Variants in HPGDS observed in about 807,000 individuals in gnomAD.
HPGDS encodes GST class-sigma.
A neutral mutation model predicts 23.1 loss-of-function variants in HPGDS; 26 were observed. That is an observed-to-expected ratio of 1.13 (90% confidence interval 0.83 to 1.56). The LOEUF (loss-of-function observed/expected upper bound fraction) is 1.56. HPGDS is among the 40% of genes most tolerant of loss of function. HPGDS has a pLI of 0.00. For synonymous variants in HPGDS, 95 were observed against 77.9 expected (o/e 1.22, Z -1.16); for missense variants, 268 against 236.4 (o/e 1.13, Z -0.88).
Position 94,317,858 on chromosome 4 carries a change from C to G in HPGDS, c.226+15G>C. 6.7e-7 allele frequency: 1 copy of G among 1,496,900 alleles called. No homozygotes were observed. Among genetic ancestry groups the G allele is most frequent in the Non-Finnish European group, 9.3e-7 (1 of 1,076,164 alleles). 92.7% of individuals were successfully genotyped at this position (1,496,900 alleles called of 1,614,324 possible). A position where few individuals can be genotyped will look rare whatever the true frequency, so the allele number is the denominator to read the frequency against. ...TTTCAGTTATCAAAAATCTTAAGCA[C>G]AATAAACATGTTACCTGTGTTTTTG... On this transcript the variant is annotated intron_variant, in intron 3 of 5. Transcript: ENST00000295256.
At chr4:94,338,663 A>G (rs1199510132) in intron 1 of HPGDS, among the ~76,000 whole-genome samples, 4 of 152,212 alleles carry the variant, frequency 2.6e-5, no homozygotes, top group Admixed American at 1.3e-4. Flanking sequence ...CAATAAAAGC[A>G]TTTTCTTTAA....
At chr4:94,339,631 A>G (rs574839393) in intron 1 of HPGDS, among the ~76,000 whole-genome samples, 2 of 152,316 alleles carry the variant, frequency 1.3e-5, no homozygotes, top group East Asian at 3.9e-4. Context: ...GCTCTTTTAT[A>G]TGGGAAATAA....
chr4:94,325,591 G>T (rs567788847), intron 2 of HPGDS, among the ~76,000 whole-genome samples: 69 of 152,328 alleles, frequency 4.5e-4, no homozygotes, highest in Admixed American at 2.4e-3. Context: ...CACTGAGCCA[G>T]GCGTGGGATA....
intron 2 of HPGDS, among the ~76,000 whole-genome samples, chr4:94,319,920 C>T (rs185496433): frequency 1.3e-5 from 2 of 152,134 alleles, no homozygotes; most frequent in Non-Finnish European, 2.9e-5. Flanking sequence ...TCTACCCCCA[C>T]CCTGCAACAG....
At chr4:94,318,192 T>A (rs1421630194) in intron 2 of HPGDS, among the ~76,000 whole-genome samples, 1 of 152,208 alleles carries the variant, frequency 6.6e-6, no homozygotes, top group African/African-American at 2.4e-5. Flanking sequence ...AATTTGTTCT[T>A]AAGCTCAGGT....
intron 1 of HPGDS, among the ~76,000 whole-genome samples, chr4:94,340,301 C>CTTTCTTTCTT (rs1721118547): frequency 3.1e-5 from 1 of 32,172 alleles, no homozygotes; most frequent in East Asian, 8.3e-4. Context: ...TTCTTTCTTT[C>CTTTCTTTCTT]TTTCTTTCTC....
chr4:94,299,948 A>G (rs1207274122), intron 5 of HPGDS, among the ~76,000 whole-genome samples: 2 of 152,206 alleles, frequency 1.3e-5, no homozygotes, highest in Non-Finnish European at 2.9e-5. Flanking sequence ...CTCTGTGACA[A>G]TACATTTTCC....
chr4:94,301,405 G>A (rs1243103366), intron 5 of HPGDS, among the ~76,000 whole-genome samples: 1 of 152,118 alleles, frequency 6.6e-6, no homozygotes. Context: ...GGAAAGTGGT[G>A]ATAGTTTATT....
Position 94,329,809 on chromosome 4 carries a change from C to T in HPGDS, c.133+4688G>A, listed in dbSNP as rs182059379. ...CAAATGCTAAGTCCTTCATTTGATT[C>T]CAGAAAAAATAATAATCCCAGTGTT... is the stretch of plus-strand genomic sequence containing the variant. On this transcript the variant is annotated intron_variant, in intron 2 of 5. Transcript: ENST00000295256. Among the ~76,000 whole-genome samples, 15 of 152,242 alleles carry T rather than the reference C, an allele frequency of 9.9e-5. No individual in the cohort carries two copies. In the East Asian group the frequency reaches 2.9e-3, roughly 29 times the overall value.
At chr4:94,307,853 G>A (rs2016476) in intron 4 of HPGDS, among the ~76,000 whole-genome samples, 54,179 of 152,022 alleles carry the variant, frequency 0.36, 10,599 homozygotes, top group East Asian at 0.7. Flanking sequence ...GCACAGTTCT[G>A]TGCATTATTT....
At chr4:94,313,067 C>G (rs1485586338) in intron 3 of HPGDS, among the ~76,000 whole-genome samples, 8 of 152,114 alleles carry the variant, frequency 5.3e-5, no homozygotes, top group East Asian at 1.9e-4. Flanking sequence ...ATACAGCACA[C>G]TGATGGGTCT....
At chr4:94,323,970 C>A (rs1298132647) in intron 2 of HPGDS, among the ~76,000 whole-genome samples, 1 of 152,186 alleles carries the variant, frequency 6.6e-6, no homozygotes, top group East Asian at 1.9e-4. Context: ...GACAAAATCT[C>A]TCAGCATTTG....
intron 2 of HPGDS, among the ~76,000 whole-genome samples, chr4:94,325,016 C>T (rs952944695): frequency 3.9e-5 from 6 of 152,198 alleles, no homozygotes; most frequent in African/African-American, 1.4e-4. Flanking sequence ...ACAGTCAGGT[C>T]CCTCAGCTGC....
intron 4 of HPGDS, among the ~76,000 whole-genome samples, chr4:94,307,180 T>TA (rs1756154882): frequency 6.6e-6 from 1 of 151,374 alleles, no homozygotes; most frequent in Non-Finnish European, 1.5e-5. Flanking sequence ...GAGAATAAAA[T>TA]AAAAACATCT....
chr4:94,335,648 G>A (rs1402562875), intron 1 of HPGDS, among the ~76,000 whole-genome samples: 1 of 152,048 alleles, frequency 6.6e-6, no homozygotes, highest in Non-Finnish European at 1.5e-5. Flanking sequence ...GTAGCACAAT[G>A]GCAAACTTAA....
At chr4:94,305,114 C>T (rs1164666181) in intron 4 of HPGDS, among the ~76,000 whole-genome samples, 3 of 152,066 alleles carry the variant, frequency 2.0e-5, no homozygotes, top group Admixed American at 1.3e-4. Context: ...TAATATTTAA[C>T]ACTTCCTACC....
chr4:94,315,268 A>C (rs920043826), intron 3 of HPGDS, among the ~76,000 whole-genome samples: 3 of 152,202 alleles, frequency 2.0e-5, no homozygotes, highest in Admixed American at 1.3e-4. Context: ...GTTCCTATTC[A>C]GTCATCTTGG....
intron 2 of HPGDS, among the ~76,000 whole-genome samples, chr4:94,320,342 C>T (rs1051668232): frequency 2.0e-5 from 3 of 152,182 alleles, no homozygotes; most frequent in African/African-American, 7.2e-5. Flanking sequence ...ACCACACTGT[C>T]TTCCACAATG....
At chr4:94,332,333 G>A (rs532843217) in intron 2 of HPGDS, among the ~76,000 whole-genome samples, 8 of 152,292 alleles carry the variant, frequency 5.3e-5, no homozygotes, top group African/African-American at 1.7e-4. Flanking sequence ...GACCCACTAA[G>A]TGCAGGGACC....
Sources: gnomAD v4.1 joint callset for allele counts (sites outside exome capture counted in the v4.1 genomes callset) on GRCh38, gnomAD v4.1.1 for gene constraint, MANE v1.5 for transcripts, NCBI Gene and HGNC (gene_info 2026-07-23, HGNC 2026-07-21) for gene names.